AP1S2: variants seen among roughly 807,000 people sequenced by gnomAD.
AP1S2 encodes the protein adaptor related protein complex 1 subunit sigma 2.
A neutral mutation model predicts 14.3 loss-of-function variants in AP1S2; 1 was observed. That is an observed-to-expected ratio of 0.07 (90% CI 0.02 to 0.33). The LOEUF (loss-of-function observed/expected upper bound fraction) is 0.33. Among genes scored for constraint, AP1S2 ranks in the 10% least tolerant of loss-of-function variants. The pLI, the probability that AP1S2 is intolerant of heterozygous loss-of-function variation, is 0.99. For missense variants in AP1S2, 30 were observed against 117.7 expected, an observed-to-expected ratio of 0.25 and a Z score of 3.45; for synonymous variants, 30 against 40.5, an observed-to-expected ratio of 0.74 and a Z score of 0.99.
intron 1 of AP1S2, 78 bp from the exon 2 acceptor site, chrX:15,852,602 G>GT (rs1365450013): frequency 9.5e-6 from 9 of 949,317 alleles, no homozygotes; most frequent in Non-Finnish European, 1.3e-5. Context: ...TCACAGAGAA[G>GT]TTTTGGGGGA....
At chrX:15,854,496 G>A (rs922459927) in intron 1 of AP1S2, among the ~76,000 whole-genome samples, 192 bp downstream of exon 1, 2 of 111,591 alleles carry the variant, frequency 1.8e-5, no homozygotes, top group African/African-American at 6.5e-5. Context: ...CCACATCCCC[G>A]GGCGCGGCGC....
chrX:15,849,192 C>G (rs1019053725), intron 2 of AP1S2, among the ~76,000 whole-genome samples: 1 of 112,261 alleles, frequency 8.9e-6, no homozygotes, highest in African/African-American at 3.2e-5. Flanking sequence ...GTCTTTTCAG[C>G]TAATATTATT....
chrX:15,853,057 A>G (rs1284502238), intron 1 of AP1S2, among the ~76,000 whole-genome samples: 1 of 112,369 alleles, frequency 8.9e-6, no homozygotes, highest in Non-Finnish European at 1.9e-5. Context: ...AAACAGAATG[A>G]TCCAAAATAT....
At chrX:15,843,894 TA>T (rs1331402935) in intron 4 of AP1S2, among the ~76,000 whole-genome samples, 1 of 112,010 alleles carries the variant, frequency 8.9e-6, no homozygotes, top group Non-Finnish European at 1.9e-5. Flanking sequence ...CACCTGATAT[TA>T]AAAACAAACC....
chrX:15,836,827 G>A (rs1454099959), intron 4 of AP1S2, among the ~76,000 whole-genome samples: 1 of 112,173 alleles, frequency 8.9e-6, no homozygotes, highest in East Asian at 2.8e-4. Flanking sequence ...AAGGCTGCAA[G>A]TGAGCCATGG....
chrX:15,830,273 GAAA>G (rs1271741203), intron 4 of AP1S2: 5 of 726,764 alleles, frequency 6.9e-6, no homozygotes, highest in Non-Finnish European at 8.1e-6. Flanking sequence ...GAAAGGAGGG[GAAA>G]AAAAAATAGA....
chrX:15,827,201 C>T lies in AP1S2; in HGVS notation c.*124G>A, dbSNP rs998335686. On this transcript the variant is annotated 3_prime_UTR_variant, in exon 6 of 6. Coordinates refer to ENST00000672987, the MANE Select transcript of AP1S2 (RefSeq NM_001272071.2). ...AAAAATTGTGTAGGCATGAATGAAG[C>T]GGCTTAGCAAAACAGTAATACTGAC... The T allele has an allele frequency of 5.7e-6, 4 of 702,839 alleles. No homozygotes were observed. The highest frequency in any genetic ancestry group is 4.4e-5 in the South Asian group (2 of 45,239). 57.9% of individuals were successfully genotyped at this position (702,839 alleles called of 1,213,427 possible).
chrX:15,827,743 G>A (rs1024837714), intron 5 of AP1S2, among the ~76,000 whole-genome samples: 1 of 111,553 alleles, frequency 9.0e-6, no homozygotes, highest in African/African-American at 3.3e-5. Context: ...TCTTCCCTCC[G>A]AGTTCCCACA....
At chrX:15,845,541 A>G (rs1322435026) in intron 3 of AP1S2, 25 bp from the exon 4 acceptor site, 1 of 1,197,179 alleles carries the variant, frequency 8.4e-7, no homozygotes, top group Non-Finnish European at 1.1e-6. Context: ...AAAAAGAAAA[A>G]AGAAAAGAAA....
intron 4 of AP1S2, among the ~76,000 whole-genome samples, chrX:15,841,347 A>G (rs1032319236): frequency 2.7e-5 from 3 of 111,806 alleles, no homozygotes; most frequent in South Asian, 3.7e-4. Flanking sequence ...TAAGTACATG[A>G]TAAGTTCAAA....
At chrX:15,837,031 G>A (rs867754577) in intron 4 of AP1S2, among the ~76,000 whole-genome samples, 21 of 111,970 alleles carry the variant, frequency 1.9e-4, no homozygotes, top group Middle Eastern at 4.6e-3. Context: ...CCAAGTAGCC[G>A]GGATTATGGA....
At chrX:15,852,042 T>C (rs1235744463) in intron 2 of AP1S2, among the ~76,000 whole-genome samples, 1 of 112,372 alleles carries the variant, frequency 8.9e-6, no homozygotes, top group Non-Finnish European at 1.9e-5. Flanking sequence ...ATACTGACCC[T>C]ACTTTCCCCT....
At chrX:15,846,113 T>C (rs1437388099) in intron 2 of AP1S2, 102 bp from the exon 3 acceptor site, 2 of 626,077 alleles carry the variant, frequency 3.2e-6, no homozygotes, top group African/African-American at 4.4e-5. Context: ...TTATACAGTT[T>C]ATTTCTTCTT....
At chrX:15,852,876 T>C (rs1331730848) in intron 1 of AP1S2, 1 of 748,209 alleles carries the variant, frequency 1.3e-6, no homozygotes, top group Admixed American at 8.7e-5. Context: ...GCACTCTCTA[T>C]ATGCATCAAA....
intron 4 of AP1S2, among the ~76,000 whole-genome samples, chrX:15,838,242 G>A (rs1412496040): frequency 9.0e-6 from 1 of 110,832 alleles, no homozygotes; most frequent in Non-Finnish European, 1.9e-5. Context: ...CCAAAAATGT[G>A]TCCAAACATT....
chrX:15,834,457 TATATATATATATATATATATATAA>T lies in AP1S2; in HGVS notation c.427-6281_427-6258del, dbSNP rs1569080119. 7.4e-4 allele frequency among the ~76,000 whole-genome samples: 24 copies of T among 32,486 alleles called. 1 individual carries two copies. Among genetic ancestry groups the T allele is most frequent in the East Asian group, 3.6e-3 (4 of 1,107 alleles). The allele number at this position is 32,486 out of a possible 115,157, so 28.2% of individuals were successfully genotyped here. On this transcript the variant is annotated intron_variant, in intron 4 of 5. Transcript: ENST00000672987. ...CTTCCAAAATATATATATATATATA[TATATATATATATATATATATATAA>T]TTTTTTTTTTTTGAGACAGAGTCTT...
chrX:15,829,171 T>A (rs1933351198), intron 4 of AP1S2, among the ~76,000 whole-genome samples: 1 of 111,487 alleles, frequency 9.0e-6, no homozygotes, highest in East Asian at 2.8e-4. Context: ...CTCGTGAGTC[T>A]TGAAGTTTTC....
At chrX:15,845,538 AAAAAG>A (rs1933974860) in intron 3 of AP1S2, 22 bp from the exon 4 acceptor site, 6 of 1,197,040 alleles carry the variant, frequency 5.0e-6, no homozygotes, top group Non-Finnish European at 5.6e-6. Flanking sequence ...AAAAAAAAGA[AAAAAG>A]AAAAGAAAAA....
At chrX:15,834,475 TATATAA>T (rs1434265845) in intron 4 of AP1S2, among the ~76,000 whole-genome samples, 1,246 of 32,183 alleles carry the variant, frequency 0.039, 34 homozygotes, top group African/African-American at 0.07. Flanking sequence ...TATATATATA[TATATAA>T]TTTTTTTTTT....
Sources: gnomAD v4.1 joint callset for allele counts (sites outside exome capture counted in the v4.1 genomes callset) on GRCh38, gnomAD v4.1.1 for gene constraint, MANE v1.5 for transcripts, NCBI Gene and HGNC (gene_info 2026-07-23, HGNC 2026-07-21) for gene names.